The following CHLSN variants were observed in gnomAD, a reference collection of about 807,000 sequenced individuals.
CHLSN encodes protein cholesin.
the CHLSN span, among the ~76,000 whole-genome samples, chr7:1,029,581 A>G: frequency 6.6e-6 from 1 of 152,166 alleles, no homozygotes; most frequent in Non-Finnish European, 1.5e-5. Flanking sequence ...GATCAATTTT[A>G]TGGTGCGAGG....
At chr7:1,104,962 A>G in the CHLSN span, among the ~76,000 whole-genome samples, 5 of 152,232 alleles carry the variant, frequency 3.3e-5, no homozygotes, top group East Asian at 9.6e-4. Context: ...TTAACTGAGA[A>G]CAGTAAGTTC....
At chr7:992,785 G>A in the CHLSN span, among the ~76,000 whole-genome samples, 1 of 152,130 alleles carries the variant, frequency 6.6e-6, no homozygotes, top group Non-Finnish European at 1.5e-5. Context: ...GGCTGGGTGG[G>A]CTCACCAGGC....
chr7:1,091,520 G>A, the CHLSN span: 10 of 549,222 alleles, frequency 1.8e-5, no homozygotes, highest in African/African-American at 1.1e-4. Context: ...GCACCATGCC[G>A]GTGTGAGGAG....
the CHLSN span, among the ~76,000 whole-genome samples, chr7:1,080,214 C>A: frequency 5.3e-5 from 8 of 152,250 alleles, no homozygotes; most frequent in Non-Finnish European, 1.2e-4. Context: ...TAGCGATCCA[C>A]CCAAAATAAA....
chr7:1,036,422 TGGTGTG>T, the CHLSN span, among the ~76,000 whole-genome samples: 8 of 149,060 alleles, frequency 5.4e-5, no homozygotes, highest in Non-Finnish European at 1.0e-4. Context: ...CGGGTGCTCG[TGGTGTG>T]GCCGTGTAGG....
the CHLSN span, chr7:1,057,426 G>A: frequency 4.7e-6 from 3 of 638,400 alleles, no homozygotes; most frequent in Non-Finnish European, 8.6e-6. Flanking sequence ...CCCTGTACCT[G>A]CAGCACTTCT....
At chr7:991,475 G>A in the CHLSN span, among the ~76,000 whole-genome samples, 2 of 152,032 alleles carry the variant, frequency 1.3e-5, no homozygotes, top group African/African-American at 4.8e-5. Flanking sequence ...GGGGTGTGGG[G>A]CGGGCAGGAG....
At chr7:1,085,020 C>T in the CHLSN span, among the ~76,000 whole-genome samples, 194 of 152,316 alleles carry the variant, frequency 1.3e-3, no homozygotes, top group Non-Finnish European at 2.2e-3. Flanking sequence ...TCTGGGGCCT[C>T]TCAGCACAAG....
the CHLSN span, chr7:1,092,213 C>T: frequency 3.7e-6 from 6 of 1,612,832 alleles, no homozygotes; most frequent in Non-Finnish European, 5.1e-6. Flanking sequence ...CTGGCCAGGG[C>T]CATGCGCTGC....
chr7:1,007,057 C>T, the CHLSN span, among the ~76,000 whole-genome samples: 3 of 152,172 alleles, frequency 2.0e-5, no homozygotes, highest in South Asian at 2.1e-4. Flanking sequence ...GCTGGGTCGA[C>T]GTGTCTTGGG....
the CHLSN span, chr7:1,127,288 G>A: frequency 2.5e-6 from 4 of 1,605,832 alleles, no homozygotes; most frequent in East Asian, 8.9e-5. Context: ...ACTTGGTGCA[G>A]CCTCAGGGCC....
chr7:1,136,167 T>C, the CHLSN span, among the ~76,000 whole-genome samples: 1 of 111,172 alleles, frequency 9.0e-6, no homozygotes, highest in Non-Finnish European at 1.6e-5. Context: ...TACATAAATA[T>C]GTATAAATAT....
chr7:1,063,923 C>T, the CHLSN span, among the ~76,000 whole-genome samples: 22 of 152,226 alleles, frequency 1.4e-4, 1 homozygote, highest in South Asian at 1.2e-3. Context: ...GTCAGAGCTC[C>T]GCAAGTCCCC....
chr7:1,135,041 T>C, the CHLSN span, among the ~76,000 whole-genome samples: 1 of 152,190 alleles, frequency 6.6e-6, no homozygotes, highest in Non-Finnish European at 1.5e-5. Flanking sequence ...TTATTTGACC[T>C]AACAGCGTTG....
At chr7:1,054,471 C>T in the CHLSN span, among the ~76,000 whole-genome samples, 1 of 152,242 alleles carries the variant, frequency 6.6e-6, no homozygotes, top group South Asian at 2.1e-4. Context: ...GCTGGGGTGA[C>T]AGCACGCACT....
chr7:1,038,429 A>G, the CHLSN span, among the ~76,000 whole-genome samples: 402 of 36,538 alleles, frequency 0.011, no homozygotes, highest in African/African-American at 0.019. Context: ...CGGGAGGGAG[A>G]TGGGGGGGTC....
At chr7:1,082,439 T>G in the CHLSN span, among the ~76,000 whole-genome samples, 1 of 152,198 alleles carries the variant, frequency 6.6e-6, no homozygotes, top group Non-Finnish European at 1.5e-5. Flanking sequence ...GGGCCGTTGG[T>G]CTGAGTTACT....
the CHLSN span, chr7:1,055,370 G>C: frequency 2.1e-6 from 1 of 470,740 alleles, no homozygotes; most frequent in Non-Finnish European, 4.4e-6. Flanking sequence ...GCAGAGAAGC[G>C]CAGCAGCGCG....
At chr7:1,091,929 C>G in the CHLSN span, 22 of 1,614,072 alleles carry the variant, frequency 1.4e-5, no homozygotes, top group Non-Finnish European at 1.8e-5. Flanking sequence ...TCTACACCAT[C>G]TTCCTCTTCC....
Sources: gnomAD v4.1 joint callset for allele counts (sites outside exome capture counted in the v4.1 genomes callset) on GRCh38, gnomAD v4.1.1 for gene constraint, MANE v1.5 for transcripts, NCBI Gene and HGNC (gene_info 2026-07-23, HGNC 2026-07-21) for gene names.